Variants in ABI1 observed in about 807,000 individuals in gnomAD.
ABI1 encodes the protein abl interactor 1.
In ABI1, 14 loss-of-function variants were observed where a neutral mutation model predicts 54.6. The ratio of observed to expected loss-of-function variants is 0.26; its 90% CI spans 0.17 to 0.40. The LOEUF (loss-of-function observed/expected upper bound fraction) is 0.40, where lower values mean the gene tolerates loss of function less well. Ranked by LOEUF, ABI1 falls within the 10% of genes least tolerant of loss-of-function variation. The pLI is 1.00. For missense variants in ABI1, 443 were observed against 598.3 expected (o/e 0.74, Z 2.71); for synonymous variants, 194 against 209.3 (o/e 0.93, Z 0.63).
At chr10:26,858,993 T>G (rs941731346) in intron 1 of ABI1, among the ~76,000 whole-genome samples, 4 of 152,186 alleles carry the variant, frequency 2.6e-5, no homozygotes, top group Admixed American at 1.3e-4. Flanking sequence ...TCAAAAATCT[T>G]TAAAACTTTC....
At chr10:26,852,014 G>A (rs190508848) in intron 1 of ABI1, among the ~76,000 whole-genome samples, 11 of 152,202 alleles carry the variant, frequency 7.2e-5, no homozygotes, top group African/African-American at 2.6e-4. Flanking sequence ...AGCATGGTGG[G>A]AGGGGCTTGG....
At chr10:26,803,227 A>C (rs956966034) in intron 2 of ABI1, among the ~76,000 whole-genome samples, 4 of 152,212 alleles carry the variant, frequency 2.6e-5, no homozygotes, top group Admixed American at 2.6e-4. Context: ...GAGGGAAAAA[A>C]AGGGAAAAGA....
intron 2 of ABI1, among the ~76,000 whole-genome samples, chr10:26,816,984 CTTTGTGTG>C (rs1171625524): frequency 1.4e-5 from 1 of 71,098 alleles, no homozygotes; most frequent in Non-Finnish European, 2.6e-5. Context: ...TTTGCAAAGA[CTTTGTGTG>C]TGTGTGTGTG....
At chr10:26,755,436 C>T (rs560439320) in intron 9 of ABI1, among the ~76,000 whole-genome samples, 2 of 152,234 alleles carry the variant, frequency 1.3e-5, no homozygotes, top group South Asian at 4.2e-4. Context: ...CATGTAAAGA[C>T]ATAAGAAAAT....
In ABI1 at chr10:26,747,844, A is replaced by T; in HGVS notation, c.*726T>A. 1 of 192,374 alleles carries T rather than the reference A, an allele frequency of 5.2e-6. No homozygotes were observed. Among genetic ancestry groups the T allele is most frequent in the Non-Finnish European group, 1.1e-5 (1 of 92,240 alleles). The allele number at this position is 192,374 out of a possible 1,614,324, so 11.9% of individuals were successfully genotyped here. ...TAAATCATTATCTTTTATTTTTTTT[A>T]AAGCAAATCAGTGAAGGAAAGGACA... On this transcript the variant is annotated 3_prime_UTR_variant, in exon 11 of 11. Transcript: ENST00000376140.
intron 2 of ABI1, among the ~76,000 whole-genome samples, chr10:26,812,561 C>T (rs2047307041): frequency 6.6e-6 from 1 of 152,164 alleles, no homozygotes; most frequent in Admixed American, 6.5e-5. Flanking sequence ...CTAATGACAA[C>T]ATAAGAGGGC....
chr10:26,810,807 C>T (rs563577719), intron 2 of ABI1, among the ~76,000 whole-genome samples: 3 of 147,256 alleles, frequency 2.0e-5, no homozygotes, highest in East Asian at 3.9e-4. Flanking sequence ...TTTAGTACAC[C>T]TGTTCTTTTA....
chr10:26,819,674 T>C (rs183125208), intron 2 of ABI1, among the ~76,000 whole-genome samples: 140 of 152,324 alleles, frequency 9.2e-4, no homozygotes, highest in Non-Finnish European at 3.1e-4. Context: ...TATTCTGGGA[T>C]ATATAACAAT....
chr10:26,747,273 AAGAAG>A lies in ABI1; in HGVS notation c.*1292_*1296del, dbSNP rs1412985674. ...AGCAATAGAGAATTATACACAAGAC[AAGAAG>A]AGAAAACATCCCTCAGCCCTCCCTT... On this transcript the variant is annotated 3_prime_UTR_variant, in exon 11 of 11. Transcript: ENST00000376140. 4.4e-6 allele frequency: 1 copy of A among 225,140 alleles called. No homozygotes were observed. The highest frequency in any genetic ancestry group is 2.2e-5 in the African/African-American group (1 of 44,926). The allele number at this position is 225,140 out of a possible 1,614,324, so 13.9% of individuals were successfully genotyped here. A position where few individuals can be genotyped will look rare whatever the true frequency, so the allele number is the denominator to read the frequency against.
chr10:26,812,623 G>C (rs896294583), intron 2 of ABI1, among the ~76,000 whole-genome samples: 1 of 152,152 alleles, frequency 6.6e-6, no homozygotes, highest in African/African-American at 2.4e-5. Flanking sequence ...TAAGTGGCTA[G>C]GAAATTTACT....
chr10:26,759,645 C>T (rs1254155132), intron 7 of ABI1, among the ~76,000 whole-genome samples: 1 of 151,924 alleles, frequency 6.6e-6, no homozygotes, highest in Non-Finnish European at 1.5e-5. Context: ...TAAGTAGATT[C>T]ATGTCTGAGT....
chr10:26,806,087 G>C (rs2046858106), intron 2 of ABI1, among the ~76,000 whole-genome samples: 1 of 152,120 alleles, frequency 6.6e-6, no homozygotes, highest in South Asian at 2.1e-4. Flanking sequence ...TAAATGAACA[G>C]GCTTCCTTTA....
rs370302624 is a variant in ABI1, at chr10:26,771,066, G to A, written c.477+9C>T. 30 of 1,613,426 alleles carry A rather than the reference G, an allele frequency of 1.9e-5. No homozygotes were observed. The African/African-American group carries it at 3.1e-4, about 17-fold the overall frequency. On this transcript the variant is annotated intron_variant, in intron 4 of 10. Transcript: ENST00000376140. ...TACTGTGGATCAAATGATAAGTAAT[G>A]GCTCTTACCTTGGCTTTTAGCCACT...
At chr10:26,806,239 G>A (rs1008080274) in intron 2 of ABI1, among the ~76,000 whole-genome samples, 7 of 152,122 alleles carry the variant, frequency 4.6e-5, no homozygotes, top group Non-Finnish European at 8.8e-5. Context: ...TTGTCCAGTT[G>A]TTCTCACCAC....
chr10:26,830,225 G>C (rs1027901767), intron 1 of ABI1, among the ~76,000 whole-genome samples: 7 of 152,148 alleles, frequency 4.6e-5, no homozygotes, highest in Non-Finnish European at 1.0e-4. Context: ...AAGAATATTT[G>C]AGTAGAAGGT....
chr10:26,755,054 G>A (rs1469110732), intron 9 of ABI1, among the ~76,000 whole-genome samples: 1 of 152,182 alleles, frequency 6.6e-6, no homozygotes, highest in African/African-American at 2.4e-5. Flanking sequence ...GCCAAAATGT[G>A]AAAAGGATGC....
chr10:26,752,957 A>C (rs1412981126), intron 9 of ABI1, among the ~76,000 whole-genome samples: 2 of 152,172 alleles, frequency 1.3e-5, no homozygotes, highest in Non-Finnish European at 2.9e-5. Flanking sequence ...TAATACAAAC[A>C]TACTAAATCA....
At chr10:26,768,812 C>G (rs1840296448) in intron 6 of ABI1, 40 bp downstream of exon 6, 1 of 1,578,288 alleles carries the variant, frequency 6.3e-7, no homozygotes. Flanking sequence ...TCAGTTACAC[C>G]CACTTTAGAG....
At chr10:26,780,767 C>T (rs1317929098) in intron 2 of ABI1, among the ~76,000 whole-genome samples, 2 of 152,122 alleles carry the variant, frequency 1.3e-5, no homozygotes, top group Non-Finnish European at 2.9e-5. Flanking sequence ...CATTTTATGG[C>T]TCTGTTGGAT....
Sources: allele counts gnomAD v4.1 joint callset (sites outside exome capture counted in the v4.1 genomes callset), GRCh38; gene constraint gnomAD v4.1.1; transcripts MANE v1.5; gene names NCBI Gene and HGNC (gene_info 2026-07-23, HGNC 2026-07-21).